The following IGLL5 variants were observed in gnomAD, a reference collection of about 807,000 sequenced individuals.
The protein encoded by IGLL5 is immunoglobulin lambda like polypeptide 5.
In IGLL5, 30 loss-of-function variants were observed where a neutral mutation model predicts 20.9. That is an observed-to-expected ratio of 1.44 (90% confidence interval 1.07 to 1.95). The LOEUF is 1.95. Ranked by LOEUF, IGLL5 falls within the 30% of genes most tolerant of loss-of-function variation. The pLI, the probability that IGLL5 is intolerant of heterozygous loss-of-function variation, is 0.00. For synonymous variants in IGLL5, 203 were observed against 117.3 expected (o/e 1.73, Z -4.72); for missense variants, 475 against 270.7 (o/e 1.75, Z -5.30).
intron 2 of IGLL5, 61 bp downstream of exon 2, chr22:22,893,879 T>G (rs185744412): frequency 2.6e-6 from 3 of 1,169,220 alleles, no homozygotes; most frequent in Admixed American, 1.7e-5. Context: ...GAAAATCTGT[T>G]TTCTCTCTCT....
chr22:22,889,428 A>C (rs2067717982), intron 1 of IGLL5, among the ~76,000 whole-genome samples: 1 of 151,312 alleles, frequency 6.6e-6, no homozygotes, highest in Admixed American at 6.6e-5. Flanking sequence ...TTCCACTTCT[A>C]GGAATTTATC....
intron 1 of IGLL5, among the ~76,000 whole-genome samples, chr22:22,888,848 A>T (rs558581477): frequency 1.3e-5 from 2 of 151,338 alleles, no homozygotes; most frequent in South Asian, 2.1e-4. Context: ...CCATGTTTGG[A>T]GCAATAAAGG....
chr22:22,889,387 A>G (rs1377556282), intron 1 of IGLL5, among the ~76,000 whole-genome samples: 7 of 151,286 alleles, frequency 4.6e-5, no homozygotes, highest in Admixed American at 1.3e-4. Flanking sequence ...GGCGAGTCAA[A>G]AAACAAAGTG....
Position 22,889,743 on chromosome 22 carries a change from A to G in IGLL5, c.206+1484A>G, listed in dbSNP as rs575053116. Reference sequence around the variant, plus strand: ...GCTAGGACTACAGATGCAGGCCACTACACCTGGCTAATTTTGATTAGGATT... The same window carrying G: ...GCTAGGACTACAGATGCAGGCCACTGCACCTGGCTAATTTTGATTAGGATT... On this transcript the variant is annotated intron_variant, in intron 1 of 2. Transcript: ENST00000526893. Among the ~76,000 whole-genome samples, 3 of 151,222 alleles carry G rather than the reference A, an allele frequency of 2.0e-5. 1 individual carries two copies. The highest frequency in any genetic ancestry group is 2.9e-5 in the Non-Finnish European group (2 of 67,832).
At chr22:22,893,447 C>A (rs117121205) in intron 1 of IGLL5, among the ~76,000 whole-genome samples, 5,091 of 151,122 alleles carry the variant, frequency 0.034, 143 homozygotes, top group Non-Finnish European at 0.05. Context: ...ACTCAGCACT[C>A]CTCTGCCACA....
rs550903741 is a variant in IGLL5, at chr22:22,888,177, A to G, written c.124A>G (p.Met42Val). 3.0e-5 allele frequency: 46 copies of G among 1,548,814 alleles called. No homozygotes were observed. The highest frequency in any genetic ancestry group is 1.7e-4 in the Middle Eastern group (1 of 5,776). The change falls in exon 1 of 3, where the codon ATG (methionine) becomes GTG (valine). Residue 42 changes from methionine (M) to valine (V), a missense_variant. Coordinates refer to ENST00000526893, the MANE Select transcript of IGLL5 (RefSeq NM_001178126.2). Reference sequence around the variant, plus strand: ...GGTCGCCCATGGCCTGCTGCGCCCAATGGTTGCACCGCAAAGCGGGGACCC... The same window carrying G: ...GGTCGCCCATGGCCTGCTGCGCCCAGTGGTTGCACCGCAAAGCGGGGACCC... Reference protein sequence around the residue: ...AMVAHGLLRPMVAPQSGDPDP... With the variant: ...AMVAHGLLRPVVAPQSGDPDP...
chr22:22,888,161 T>C lies in IGLL5; in HGVS notation c.108T>C (p.His36=), dbSNP rs561199169. The C allele has an allele frequency of 6.5e-6, 10 of 1,549,042 alleles. No individual in the cohort carries two copies. The highest frequency in any genetic ancestry group is 2.5e-5 in the East Asian group (1 of 40,648). The change falls in exon 1 of 3, where the codon CAT becomes CAC. Residue 36 remains histidine (H), a synonymous_variant. Coordinates refer to ENST00000526893, the MANE Select transcript of IGLL5 (RefSeq NM_001178126.2). ...TGCTGGGTCTGGCCATGGTCGCCCA[T>C]GGCCTGCTGCGCCCAATGGTTGCAC... ...LLLLGLAMVA[H]GLLRPMVAPQ...
At chr22:22,890,412 A>G (rs1469052552) in intron 1 of IGLL5, among the ~76,000 whole-genome samples, 1 of 150,056 alleles carries the variant, frequency 6.7e-6, no homozygotes, top group Non-Finnish European at 1.5e-5. Flanking sequence ...CTTTTAATCT[A>G]TTATTGACAC....
intron 2 of IGLL5, among the ~76,000 whole-genome samples, chr22:22,894,658 A>T (rs1254954057): frequency 1.3e-5 from 2 of 148,716 alleles, no homozygotes; most frequent in African/African-American, 4.9e-5. Flanking sequence ...GTTTGGGGTC[A>T]TCACAGGCTG....
chr22:22,893,886 C>G (rs1383708304), intron 2 of IGLL5, 68 bp downstream of exon 2: 14 of 1,087,634 alleles, frequency 1.3e-5, no homozygotes, highest in Admixed American at 3.4e-5. Context: ...TGTTTTCTCT[C>G]TCTGGGGCTT....
At chr22:22,890,312 AAC>A (rs372346670) in intron 1 of IGLL5, among the ~76,000 whole-genome samples, 2,120 of 123,250 alleles carry the variant, frequency 0.017, 27 homozygotes, top group South Asian at 0.076. Flanking sequence ...TGTCCCTGAA[AAC>A]ACACACACAC....
At chr22:22,894,039 AGCTGGGATTGGGCAGGGTCAG>A in intron 2 of IGLL5, among the ~76,000 whole-genome samples, 1 of 150,534 alleles carries the variant, frequency 6.6e-6, no homozygotes, top group South Asian at 2.1e-4. Flanking sequence ...CCGGGGCCTG[AGCTGGGATTGGGCAGGGTCAG>A]GGCTCCTCCT....
intron 2 of IGLL5, among the ~76,000 whole-genome samples, chr22:22,894,217 C>CTAGGGGAAG: frequency 6.6e-6 from 1 of 151,236 alleles, no homozygotes; most frequent in African/African-American, 2.4e-5. Context: ...GTCTCATAGT[C>CTAGGGGAAG]TAGGGGAGCA....
At chr22:22,888,298 C>A (rs555080007) in intron 1 of IGLL5, 39 bp downstream of exon 1, 5 of 1,533,300 alleles carry the variant, frequency 3.3e-6, no homozygotes, top group Admixed American at 2.0e-5. Flanking sequence ...GGGGGTCCTG[C>A]AGCAGAGCTG....
intron 2 of IGLL5, 60 bp from the exon 3 acceptor site, chr22:22,895,315 G>A: frequency 2.0e-6 from 3 of 1,482,732 alleles, no homozygotes; most frequent in Non-Finnish European, 2.8e-6. Context: ...CAGAGAGAGG[G>A]GCTCCACAAC....
rs148669403 is a variant in IGLL5, at chr22:22,891,323, T to C, written c.207-2377T>C. ...AGGAAAGCCAATCATCACACATTTG[T>C]TGAATATAAATGCAACTTTTCTCAA... is the stretch of plus-strand genomic sequence containing the variant. On this transcript the variant is annotated intron_variant, in intron 1 of 2. Coordinates refer to ENST00000526893, the MANE Select transcript of IGLL5 (RefSeq NM_001178126.2). Among the ~76,000 whole-genome samples the C allele has an allele frequency of 4.0e-5, 6 of 151,356 alleles. No homozygotes were observed. The East Asian group carries it at 1.2e-3, about 31-fold the overall frequency.
At position 22,895,476 on chromosome 22, in the gene IGLL5, C is replaced by T. The variant is rs1319202823; in HGVS notation, c.427C>T (p.Pro143Ser). The change falls in exon 3 of 3, where the codon CCG becomes TCG. Residue 143 changes from proline (P) to serine (S), a missense_variant. By Grantham distance (74) the Pro-to-Ser change is moderately conservative. Coordinates refer to ENST00000526893, the MANE Select transcript of IGLL5 (RefSeq NM_001178126.2). The stretch of plus-strand genomic sequence containing the variant: ...AGTGTGTCTGATCAGTGACTTCTAC[C>T]CGGGAGCTGTGACAGTGGCCTGGAA... ...TLVCLISDFYPGAVTVAWKAD... is the reference protein window; with the variant it reads ...TLVCLISDFYSGAVTVAWKAD... 6.2e-7 allele frequency: 1 copy of T among 1,612,826 alleles called. No individual in the cohort carries two copies.
At chr22:22,889,101 G>C (rs190408988) in intron 1 of IGLL5, among the ~76,000 whole-genome samples, 3 of 151,256 alleles carry the variant, frequency 2.0e-5, no homozygotes, top group East Asian at 2.0e-4. Flanking sequence ...AGTCAGATTT[G>C]TGTTTTTGGA....
rs188021199 is a variant in IGLL5 at position 22,888,402 on chromosome 22, T to A, written c.206+143T>A. The A allele has an allele frequency of 7.6e-6, 5 of 655,044 alleles. No homozygotes were observed. In the Admixed American group the frequency reaches 8.8e-5, roughly 12 times the overall value. 40.6% of individuals were successfully genotyped at this position (655,044 alleles called of 1,614,324 possible). A position where few individuals can be genotyped will look rare whatever the true frequency, so the allele number is the denominator to read the frequency against. ...GGCTGACACTGGCTTTAGTAATGGG[T>A]TGATATTTTGTCCATCACAGATTTG... On this transcript the variant is annotated intron_variant, in intron 1 of 2. Coordinates refer to ENST00000526893, the MANE Select transcript of IGLL5 (RefSeq NM_001178126.2).
Sources: gnomAD v4.1 joint callset for allele counts (sites outside exome capture counted in the v4.1 genomes callset) on GRCh38, gnomAD v4.1.1 for gene constraint, MANE v1.5 for transcripts, NCBI Gene and HGNC (gene_info 2026-07-23, HGNC 2026-07-21) for gene names.